The following CTNND2 variants were observed in gnomAD, a reference collection of about 807,000 sequenced individuals.
CTNND2 encodes the protein catenin delta-2.
CTNND2 carries 22 observed loss-of-function variants against 144.4 expected under a neutral mutation model. That is an observed-to-expected ratio of 0.15 (90% CI 0.11 to 0.22). The LOEUF (loss-of-function observed/expected upper bound fraction) is 0.22. CTNND2 is among the 10% of genes least tolerant of loss of function. The pLI, the probability that CTNND2 is intolerant of heterozygous loss-of-function variation, is 1.00. For synonymous variants in CTNND2, 751 were observed against 695.6 expected (o/e 1.08, Z -1.25); for missense variants, 1,353 against 1,618.8 (o/e 0.84, Z 2.82).
At chr5:11,300,152 T>A (rs564953032) in intron 9 of CTNND2, among the ~76,000 whole-genome samples, 3 of 152,232 alleles carry the variant, frequency 2.0e-5, no homozygotes, top group Admixed American at 2.0e-4. Context: ...TGGTTAACCC[T>A]CAGATCCCTT....
intron 2 of CTNND2, among the ~76,000 whole-genome samples, chr5:11,679,191 G>A (rs1581709828): frequency 6.6e-6 from 1 of 151,986 alleles, no homozygotes; most frequent in East Asian, 1.9e-4. Flanking sequence ...CTGGAGAACT[G>A]AAATGAACCA....
chr5:11,276,196 G>A lies in CTNND2; in HGVS notation c.1629-39373C>T, dbSNP rs982253783. 1.1e-4 allele frequency among the ~76,000 whole-genome samples: 16 copies of A among 152,354 alleles called. 1 individual carries two copies. Among genetic ancestry groups the A allele is most frequent in the Admixed American group, 5.9e-4 (9 of 15,304 alleles). ...ATGAGAGGAGACAGGAGCAGGGGAT[G>A]TGGCTTGAAGATGGTGGCCACTTAG... On this transcript the variant is annotated intron_variant, in intron 9 of 21. Transcript: ENST00000304623.
At chr5:11,453,007 T>C (rs1472552541) in intron 3 of CTNND2, among the ~76,000 whole-genome samples, 8 of 152,344 alleles carry the variant, frequency 5.3e-5, no homozygotes, top group Non-Finnish European at 7.3e-5. Context: ...ACTGTATATT[T>C]GCCTCTCAGA....
intron 1 of CTNND2, among the ~76,000 whole-genome samples, chr5:11,867,846 T>C (rs1323331780): frequency 6.6e-6 from 1 of 151,524 alleles, no homozygotes; most frequent in Admixed American, 6.6e-5. Context: ...GTACTATTTA[T>C]AAATTGTAAG....
intron 15 of CTNND2, among the ~76,000 whole-genome samples, chr5:11,083,139 T>C (rs1399540876): frequency 2.6e-5 from 4 of 152,226 alleles, no homozygotes; most frequent in Admixed American, 6.5e-5. Flanking sequence ...ATGCGTATAC[T>C]TGATGCTTCA....
chr5:11,164,003 C>A (rs965400798), intron 11 of CTNND2, among the ~76,000 whole-genome samples: 1 of 152,100 alleles, frequency 6.6e-6, no homozygotes, highest in Non-Finnish European at 1.5e-5. Flanking sequence ...CTGGCTCCTT[C>A]CAGAGGATCC....
chr5:11,380,303 G>T (rs1359118591), intron 7 of CTNND2, among the ~76,000 whole-genome samples: 1 of 152,172 alleles, frequency 6.6e-6, no homozygotes, highest in Non-Finnish European at 1.5e-5. Flanking sequence ...AGCAAAGATG[G>T]ATGTCTTCTT....
At chr5:11,517,295 A>G (rs576078763) in intron 3 of CTNND2, among the ~76,000 whole-genome samples, 1 of 152,224 alleles carries the variant, frequency 6.6e-6, no homozygotes, top group Non-Finnish European at 1.5e-5. Context: ...GTAAAAGAAA[A>G]TATTAAAAAG....
At chr5:11,068,839 C>T (rs889746349) in intron 16 of CTNND2, among the ~76,000 whole-genome samples, 3 of 152,188 alleles carry the variant, frequency 2.0e-5, no homozygotes, top group Non-Finnish European at 2.9e-5. Flanking sequence ...ATGGCGTGAA[C>T]CTGGGAGGCG....
intron 11 of CTNND2, among the ~76,000 whole-genome samples, chr5:11,181,643 G>A (rs1176790451): frequency 6.6e-6 from 1 of 152,012 alleles, no homozygotes; most frequent in Non-Finnish European, 1.5e-5. Context: ...AAACCCAGGA[G>A]GCTCCGTGTG....
At chr5:11,662,728 G>A (rs1783341090) in intron 2 of CTNND2, among the ~76,000 whole-genome samples, 1 of 152,104 alleles carries the variant, frequency 6.6e-6, no homozygotes, top group Non-Finnish European at 1.5e-5. Context: ...ACTGTGAACT[G>A]CGCATGCAAG....
chr5:11,849,679 A>G (rs917867974), intron 1 of CTNND2, among the ~76,000 whole-genome samples: 5 of 152,208 alleles, frequency 3.3e-5, no homozygotes, highest in Non-Finnish European at 7.3e-5. Context: ...ACACCTCTCT[A>G]TGTATCTCAA....
At chr5:11,233,552 A>G (rs895884703) in intron 10 of CTNND2, among the ~76,000 whole-genome samples, 14 of 152,228 alleles carry the variant, frequency 9.2e-5, no homozygotes, top group African/African-American at 3.1e-4. Flanking sequence ...CTGCAAAATT[A>G]GTATTTGGAC....
At chr5:11,718,221 G>A (rs1786464330) in intron 2 of CTNND2, among the ~76,000 whole-genome samples, 1 of 152,110 alleles carries the variant, frequency 6.6e-6, no homozygotes, top group African/African-American at 2.4e-5. Context: ...ATGTCTCAAA[G>A]GGGCACAAGG....
chr5:11,015,945 G>C (rs852624), intron 18 of CTNND2, among the ~76,000 whole-genome samples: 151,196 of 152,358 alleles, frequency 0.99, 75,028 homozygotes, highest in East Asian at 1. Context: ...TAGAATGGAA[G>C]CCAAAACATT....
intron 21 of CTNND2, among the ~76,000 whole-genome samples, chr5:10,976,813 A>G (rs2149480107): frequency 6.6e-6 from 1 of 152,374 alleles, no homozygotes; most frequent in African/African-American, 2.4e-5. Flanking sequence ...AGCCCAGTAT[A>G]GCTCTTCCAA....
At chr5:11,535,543 A>G (rs192548891) in intron 3 of CTNND2, among the ~76,000 whole-genome samples, 10 of 152,298 alleles carry the variant, frequency 6.6e-5, no homozygotes, top group Admixed American at 3.3e-4. Context: ...GTGTAATCTT[A>G]TAAGTGGTAA....
chr5:11,625,081 T>C (rs1051112379), intron 2 of CTNND2, among the ~76,000 whole-genome samples: 4 of 152,066 alleles, frequency 2.6e-5, no homozygotes, highest in Non-Finnish European at 5.9e-5. Context: ...TATGACCACA[T>C]GGCTGAAACT....
chr5:11,051,694 A>G (rs1420086523), intron 16 of CTNND2, among the ~76,000 whole-genome samples: 1 of 152,188 alleles, frequency 6.6e-6, no homozygotes, highest in Non-Finnish European at 1.5e-5. Flanking sequence ...TAGATCTTGT[A>G]ATACCTGTTC....
Sources: allele counts gnomAD v4.1 joint callset (sites outside exome capture counted in the v4.1 genomes callset), GRCh38; gene constraint gnomAD v4.1.1; transcripts MANE v1.5; gene names NCBI Gene and HGNC (gene_info 2026-07-23, HGNC 2026-07-21).